Variants in CAMK1D observed in about 807,000 individuals in gnomAD.
CAMK1D encodes the protein calcium/calmodulin-dependent protein kinase type 1D.
Under a neutral mutation model 47.7 loss-of-function variants are expected in CAMK1D, and 9 were observed. That is an observed-to-expected ratio of 0.19 (90% confidence interval 0.11 to 0.33). The LOEUF (loss-of-function observed/expected upper bound fraction) is 0.33. Ranked by LOEUF, CAMK1D falls within the 10% of genes least tolerant of loss-of-function variation. The pLI, the probability that CAMK1D is intolerant of heterozygous loss-of-function variation, is 1.00. For missense variants in CAMK1D, 291 were observed against 488.7 expected, an observed-to-expected ratio of 0.60 and a Z score of 3.81; for synonymous variants, 184 against 184.9, an observed-to-expected ratio of 0.99 and a Z score of 0.04.
chr10:12,493,324 C>T (rs1218767120), intron 1 of CAMK1D, among the ~76,000 whole-genome samples: 1 of 152,092 alleles, frequency 6.6e-6, no homozygotes, highest in Non-Finnish European at 1.5e-5. Context: ...GAGATGTGGC[C>T]AGCATCAACA....
intron 1 of CAMK1D, among the ~76,000 whole-genome samples, chr10:12,402,972 G>C (rs767793676): frequency 1.3e-5 from 2 of 152,070 alleles, no homozygotes; most frequent in Non-Finnish European, 2.9e-5. Context: ...ACATCATTCT[G>C]GCAGAAATAC....
At chr10:12,764,398 A>AAAAAAAAAAAAT (rs1554822757) in intron 4 of CAMK1D, among the ~76,000 whole-genome samples, 2 of 151,188 alleles carry the variant, frequency 1.3e-5, no homozygotes, top group Non-Finnish European at 2.9e-5. Flanking sequence ...AAAAAAAAAA[A>AAAAAAAAAAAAT]CATTGATCTA....
intron 2 of CAMK1D, among the ~76,000 whole-genome samples, chr10:12,601,176 T>C (rs1481190423): frequency 5.1e-5 from 1 of 19,600 alleles, no homozygotes; most frequent in African/African-American, 6.8e-5. Context: ...ATGATAGTTT[T>C]TTTTTTTTGT....
At chr10:12,823,738 G>T (rs2131115237) in intron 8 of CAMK1D, among the ~76,000 whole-genome samples, 1 of 152,184 alleles carries the variant, frequency 6.6e-6, no homozygotes, top group South Asian at 2.1e-4. Flanking sequence ...GTGAATGCAG[G>T]GTGGACGCCG....
intron 8 of CAMK1D, among the ~76,000 whole-genome samples, chr10:12,820,564 A>C (rs1013624935): frequency 6.6e-6 from 1 of 152,226 alleles, no homozygotes; most frequent in Non-Finnish European, 1.5e-5. Context: ...TGGTCTCCGC[A>C]CATCCCTGAC....
intron 3 of CAMK1D, among the ~76,000 whole-genome samples, chr10:12,735,335 G>A (rs543433064): frequency 3.5e-4 from 54 of 152,208 alleles, no homozygotes; most frequent in East Asian, 1.7e-3. Flanking sequence ...AAAATTAGCC[G>A]GGCGTGGTGG....
chr10:12,506,579 C>T (rs1476018202), intron 1 of CAMK1D, among the ~76,000 whole-genome samples: 1 of 152,022 alleles, frequency 6.6e-6, no homozygotes, highest in African/African-American at 2.4e-5. Flanking sequence ...AGTGCAGTGG[C>T]ACGATCTCAG....
intron 6 of CAMK1D, among the ~76,000 whole-genome samples, chr10:12,794,534 A>C (rs1446741826): frequency 6.6e-6 from 1 of 152,174 alleles, no homozygotes; most frequent in African/African-American, 2.4e-5. Context: ...TATGCACTGC[A>C]ACATTTGCCA....
chr10:12,582,528 T>C (rs1200111801), intron 2 of CAMK1D, among the ~76,000 whole-genome samples: 2 of 152,242 alleles, frequency 1.3e-5, no homozygotes, highest in African/African-American at 4.8e-5. Flanking sequence ...TCCATTTGTT[T>C]GTGTCATCTA....
chr10:12,768,975 G>A (rs1836909030), intron 4 of CAMK1D, among the ~76,000 whole-genome samples: 1 of 152,224 alleles, frequency 6.6e-6, no homozygotes, highest in South Asian at 2.1e-4. Flanking sequence ...AGAAATGGAA[G>A]AAGGCCTTTG....
At chr10:12,569,015 T>C (rs548241928) in intron 2 of CAMK1D, among the ~76,000 whole-genome samples, 3 of 152,328 alleles carry the variant, frequency 2.0e-5, no homozygotes, top group South Asian at 2.1e-4. Flanking sequence ...GAGTGTAATA[T>C]AAACTTCCAA....
At chr10:12,537,951 T>A (rs11257871) in intron 1 of CAMK1D, among the ~76,000 whole-genome samples, 11,387 of 152,282 alleles carry the variant, frequency 0.075, 706 homozygotes, top group East Asian at 0.36. Context: ...TTCTATGTAA[T>A]TAAGCACGGC....
chr10:12,481,537 T>G (rs1400255841), intron 1 of CAMK1D, among the ~76,000 whole-genome samples: 1 of 151,806 alleles, frequency 6.6e-6, no homozygotes, highest in Non-Finnish European at 1.5e-5. Flanking sequence ...TGAGATGGAG[T>G]CTCGCCCTGT....
intron 2 of CAMK1D, among the ~76,000 whole-genome samples, chr10:12,566,652 A>G (rs1404020652): frequency 2.0e-5 from 3 of 152,204 alleles, no homozygotes; most frequent in Non-Finnish European, 2.9e-5. Context: ...GCAGACGCGG[A>G]GCCAGAAGGA....
At chr10:12,707,805 G>A (rs974020963) in intron 3 of CAMK1D, among the ~76,000 whole-genome samples, 1 of 152,208 alleles carries the variant, frequency 6.6e-6, no homozygotes, top group Admixed American at 6.5e-5. Flanking sequence ...AGTTTATTAT[G>A]TTTGGCAAGA....
intron 3 of CAMK1D, among the ~76,000 whole-genome samples, chr10:12,756,085 C>T (rs1276569458): frequency 6.6e-6 from 1 of 152,192 alleles, no homozygotes; most frequent in Non-Finnish European, 1.5e-5. Flanking sequence ...GCTGGTATTT[C>T]TCAGACTGCT....
At chr10:12,403,278 A>T (rs755517466) in intron 1 of CAMK1D, among the ~76,000 whole-genome samples, 3 of 152,218 alleles carry the variant, frequency 2.0e-5, no homozygotes, top group East Asian at 1.9e-4. Context: ...GTTCACATGG[A>T]CATCTGCCCT....
chr10:12,696,866 A>G (rs1833318461), intron 3 of CAMK1D, among the ~76,000 whole-genome samples: 1 of 152,250 alleles, frequency 6.6e-6, no homozygotes, highest in Non-Finnish European at 1.5e-5. Context: ...AAATACACAC[A>G]GTTCATGCTT....
chr10:12,463,108 A>C (rs1177294928), intron 1 of CAMK1D, among the ~76,000 whole-genome samples: 1 of 151,934 alleles, frequency 6.6e-6, no homozygotes, highest in Non-Finnish European at 1.5e-5. Context: ...TTTGGCTTAG[A>C]GAATGAAAAT....
Sources: gnomAD v4.1 joint callset for allele counts (sites outside exome capture counted in the v4.1 genomes callset) on GRCh38, gnomAD v4.1.1 for gene constraint, MANE v1.5 for transcripts, NCBI Gene and HGNC (gene_info 2026-07-23, HGNC 2026-07-21) for gene names.